The following WDPCP variants were observed in gnomAD, a reference collection of about 807,000 sequenced individuals.
WDPCP encodes WD repeat-containing and planar cell polarity effector protein fritz homolog.
In WDPCP, 71 loss-of-function variants were observed where a neutral mutation model predicts 93.1. The ratio of observed to expected loss-of-function variants is 0.76; its 90% confidence interval spans 0.63 to 0.93. WDPCP has a LOEUF of 0.93. WDPCP is among the 40% of genes least tolerant of loss of function. WDPCP has a pLI of 0.00. For synonymous variants in WDPCP, 315 were observed against 315.0 expected (o/e 1.00, Z 0.00); for missense variants, 844 against 887.4 (o/e 0.95, Z 0.62).
chr2:63,156,116 C>T (rs926664830), intron 15 of WDPCP, among the ~76,000 whole-genome samples: 3 of 152,248 alleles, frequency 2.0e-5, no homozygotes, highest in African/African-American at 7.2e-5. Flanking sequence ...TCTCCTGCCT[C>T]AGCCTCCCGA....
At chr2:63,136,378 C>T (rs1405997344) in intron 17 of WDPCP, among the ~76,000 whole-genome samples, 1 of 151,834 alleles carries the variant, frequency 6.6e-6, no homozygotes, top group Non-Finnish European at 1.5e-5. Context: ...AAAAGCCCTG[C>T]AGGGATTGAT....
intron 9 of WDPCP, among the ~76,000 whole-genome samples, chr2:63,408,182 T>C (rs1014672345): frequency 2.0e-5 from 3 of 151,794 alleles, no homozygotes; most frequent in African/African-American, 7.3e-5. Flanking sequence ...AAACCAGCAG[T>C]CCCAAGAAGA....
chr2:63,728,159 A>C (rs115686926), intron 2 of WDPCP, among the ~76,000 whole-genome samples: 1,873 of 152,354 alleles, frequency 0.012, 16 homozygotes, highest in Non-Finnish European at 0.015. Flanking sequence ...GGCAATTAAA[A>C]GAAAAAAGAA....
At position 63,258,277 on chromosome 2, in the gene WDPCP, T is replaced by G. The variant is rs1681305802; in HGVS notation, c.1915+1030A>C. Among the ~76,000 whole-genome samples the G allele has an allele frequency of 7.2e-5, 11 of 152,140 alleles. No individual in the cohort carries two copies. The South Asian group carries it at 1.9e-3, about 26-fold the overall frequency. ...TCCATTAGAAACAGAGATATGAAAG[T>G]GGTCTAATCAATCTGGAACTCTTTC... On this transcript the variant is annotated intron_variant, in intron 14 of 17. Transcript: ENST00000272321.
At chr2:63,123,792 A>T (rs1669704565) in intron 17 of WDPCP, among the ~76,000 whole-genome samples, 1 of 151,874 alleles carries the variant, frequency 6.6e-6, no homozygotes. Context: ...ATACAAAACT[A>T]AAGTTAACAT....
chr2:63,749,573 T>A (rs903031788), intron 2 of WDPCP, among the ~76,000 whole-genome samples: 3 of 152,126 alleles, frequency 2.0e-5, no homozygotes, highest in African/African-American at 4.8e-5. Context: ...TTGTCTTAGA[T>A]GATTTTGCCC....
At chr2:63,827,325 CTTTG>C (rs1268124601) in intron 1 of WDPCP, among the ~76,000 whole-genome samples, 3 of 151,956 alleles carry the variant, frequency 2.0e-5, no homozygotes, top group African/African-American at 7.3e-5. Flanking sequence ...TTTCTTTTCT[CTTTG>C]TTTTTCTTAG....
intron 2 of WDPCP, among the ~76,000 whole-genome samples, chr2:63,736,404 T>G (rs1485396578): frequency 6.6e-6 from 1 of 152,244 alleles, no homozygotes; most frequent in Non-Finnish European, 1.5e-5. Context: ...CTGGCTTAAA[T>G]GCAATGTAGC....
chr2:63,303,781 G>A lies in WDPCP; in HGVS notation c.1812+9467C>T, dbSNP rs142703534. Among the ~76,000 whole-genome samples, 314 of 152,162 alleles carry A rather than the reference G, an allele frequency of 2.1e-3. 1 individual carries two copies. Among genetic ancestry groups the A allele is most frequent in the African/African-American group, 6.1e-3 (252 of 41,512 alleles). ...AAAGAAGGCCTTGGTAAACAACCCA[G>A]CAAGAGAAAAGAACAAACAATCCCA... is the stretch of plus-strand genomic sequence containing the variant. On this transcript the variant is annotated intron_variant, in intron 13 of 17. Coordinates refer to ENST00000272321, the MANE Select transcript of WDPCP (RefSeq NM_015910.7).
intron 14 of WDPCP, among the ~76,000 whole-genome samples, chr2:63,219,867 G>A (rs1677668075): frequency 6.6e-6 from 1 of 151,998 alleles, no homozygotes; most frequent in South Asian, 2.1e-4. Context: ...GCCGGGGGTG[G>A]TGGCAGCACC....
intron 14 of WDPCP, among the ~76,000 whole-genome samples, chr2:63,243,342 A>G (rs1247244824): frequency 1.3e-5 from 2 of 151,988 alleles, no homozygotes; most frequent in East Asian, 3.9e-4. Context: ...CTTCTTTTGC[A>G]TAGTTCATGT....
At chr2:63,265,014 G>C (rs1681980101) in intron 13 of WDPCP, among the ~76,000 whole-genome samples, 1 of 152,110 alleles carries the variant, frequency 6.6e-6, no homozygotes, top group South Asian at 2.1e-4. Context: ...AAACAAAAAT[G>C]AAAACACAAT....
intron 2 of WDPCP, among the ~76,000 whole-genome samples, chr2:63,747,096 C>A (rs1018237639): frequency 6.6e-6 from 1 of 152,064 alleles, no homozygotes; most frequent in African/African-American, 2.4e-5. Context: ...GTTGAAATAT[C>A]GGGGGCTGAA....
At chr2:63,306,640 C>T (rs1475846882) in intron 13 of WDPCP, among the ~76,000 whole-genome samples, 1 of 152,146 alleles carries the variant, frequency 6.6e-6, no homozygotes, top group Non-Finnish European at 1.5e-5. Flanking sequence ...ATGACAAAAA[C>T]CACATGATTA....
intron 14 of WDPCP, among the ~76,000 whole-genome samples, chr2:63,182,861 G>A (rs1323015461): frequency 5.7e-5 from 8 of 140,286 alleles, no homozygotes. Context: ...GGATTTCTAT[G>A]TGTTCAATCT....
chr2:63,341,361 T>C (rs903928849), intron 12 of WDPCP, among the ~76,000 whole-genome samples: 25 of 152,204 alleles, frequency 1.6e-4, no homozygotes, highest in African/African-American at 5.1e-4. Flanking sequence ...ACTCCTGACC[T>C]CAGGTGATCC....
At chr2:63,273,426 A>C (rs1682813140) in intron 13 of WDPCP, among the ~76,000 whole-genome samples, 1 of 151,952 alleles carries the variant, frequency 6.6e-6, no homozygotes, top group Non-Finnish European at 1.5e-5. Flanking sequence ...AGAATATACA[A>C]AACAAACTTA....
At chr2:63,161,382 T>C (rs986891017) in intron 15 of WDPCP, among the ~76,000 whole-genome samples, 1 of 152,194 alleles carries the variant, frequency 6.6e-6, no homozygotes, top group African/African-American at 2.4e-5. Flanking sequence ...TTTTTGTCAC[T>C]CCTTCTTGAC....
intron 2 of WDPCP, among the ~76,000 whole-genome samples, chr2:63,773,590 T>C (rs941341667): frequency 6.6e-6 from 1 of 152,088 alleles, no homozygotes; most frequent in Non-Finnish European, 1.5e-5. Context: ...TCTGTATATA[T>C]TATACTTCAA....
Sources: allele counts gnomAD v4.1 joint callset (sites outside exome capture counted in the v4.1 genomes callset), GRCh38; gene constraint gnomAD v4.1.1; transcripts MANE v1.5; gene names NCBI Gene and HGNC (gene_info 2026-07-23, HGNC 2026-07-21).